FPGS: variants seen among roughly 807,000 people sequenced by gnomAD.
The protein encoded by FPGS is folylpolyglutamate synthase, mitochondrial.
A neutral mutation model predicts 66.5 loss-of-function variants in FPGS; 53 were observed. The ratio of observed to expected loss-of-function variants is 0.80; its 90% CI spans 0.64 to 1.00. The LOEUF is 1.00. Ranked by LOEUF, FPGS falls within the 50% of genes least tolerant of loss-of-function variation. The pLI, the probability that FPGS is intolerant of heterozygous loss-of-function variation, is 0.00. For synonymous variants in FPGS, 348 were observed against 350.9 expected, an observed-to-expected ratio of 0.99 and a Z score of 0.09; for missense variants, 702 against 807.7, an observed-to-expected ratio of 0.87 and a Z score of 1.59.
Position 127,813,703 on chromosome 9 carries a change from C to T in FPGS, c.*99C>T. The T allele has an allele frequency of 1.4e-6, 2 of 1,409,456 alleles. No homozygotes were observed. The highest frequency in any genetic ancestry group is 1.8e-6 in the Non-Finnish European group (2 of 1,083,772). The allele number at this position is 1,409,456 out of a possible 1,614,324, so 87.3% of individuals were successfully genotyped here. The stretch of plus-strand genomic sequence containing the variant: ...CCTTTTGTTTTTGGCTTTCCTGGTT[C>T]TGTCTAGACTGGCCTAGGGGCCAGG... On this transcript the variant is annotated 3_prime_UTR_variant, in exon 15 of 15. Transcript: ENST00000373247.
rs1325946824 is a variant in FPGS, at chr9:127,813,357, C to A, written c.1517C>A (p.Pro506Gln). The change falls in exon 15 of 15, where the codon CCA (proline) becomes CAA (glutamine). Residue 506 changes from proline to glutamine, a missense_variant. Physicochemically the swap from Pro to Gln is moderately conservative, Grantham distance 76 (BLOSUM62 -1). Coordinates refer to ENST00000373247, the MANE Select transcript of FPGS (RefSeq NM_004957.6). The stretch of plus-strand genomic sequence containing the variant: ...GCATCCCTGCTTCTGGCGCCCCACC[C>A]ACCCCACACCTGCAGTGCCAGCTCC... Reference protein sequence around the residue: ...GSASLLLAPHPPHTCSASSLV... With the variant: ...GSASLLLAPHQPHTCSASSLV... 2 of 1,612,640 alleles carry A rather than the reference C, an allele frequency of 1.2e-6. No homozygotes were observed. Among genetic ancestry groups the A allele is most frequent in the Middle Eastern group, 1.7e-4 (1 of 6,054 alleles).
rs1187976758 is a variant in FPGS, at chr9:127,804,497, A to T, written c.268-2A>T. 15 of 1,613,992 alleles carry T rather than the reference A, an allele frequency of 9.3e-6. No homozygotes were observed. Among genetic ancestry groups the T allele is most frequent in the Non-Finnish European group, 1.3e-5 (15 of 1,179,980 alleles). On this transcript the variant is annotated splice_acceptor_variant, in intron 2 of 14. Transcript: ENST00000373247. LOFTEE classifies it high-confidence loss of function. ...GGCAGGGACCTTGTCTGTCTGTCCC[A>T]GGTGGAGGACTTGGACCGGCTGAAC...
At position 127,808,830 on chromosome 9, in the gene FPGS, G is replaced by T; in HGVS notation, c.1001G>T (p.Gly334Val). ...GGGGAGCCAAAGGCATCCAGGCCAGGGCTCCTGTGGCAGCTGCCCCTGGCA... is the reference window on the plus strand; with the variant it reads ...GGGGAGCCAAAGGCATCCAGGCCAGTGCTCCTGTGGCAGCTGCCCCTGGCA... The part of the protein sequence containing the change: ...GAGEPKASRP[G>V]LLWQLPLAPV... The change falls in exon 11 of 15, where the codon GGG (glycine) becomes GTG (valine). Residue 334 changes from glycine (G) to valine (V), a missense_variant. Transcript: ENST00000373247. The T allele has an allele frequency of 6.4e-7, 1 of 1,563,302 alleles. No individual in the cohort carries two copies. The highest frequency in any genetic ancestry group is 8.7e-7 in the Non-Finnish European group (1 of 1,154,108).
rs2131841498 is a variant in FPGS at position 127,803,483 on chromosome 9, G to A, written c.138+421G>A. On this transcript the variant is annotated intron_variant, in intron 1 of 14. Coordinates refer to ENST00000373247, the MANE Select transcript of FPGS (RefSeq NM_004957.6). Reference sequence around the variant, plus strand: ...GGGGTGGGCTGTCCAGGATTCAGAAGATTGGGGATCCAAGTGCCTGGATTT... The same window carrying A: ...GGGGTGGGCTGTCCAGGATTCAGAAAATTGGGGATCCAAGTGCCTGGATTT... 4.4e-6 allele frequency: 4 copies of A among 905,298 alleles called. No homozygotes were observed. The South Asian group carries it at 2.0e-4, about 46-fold the overall frequency. The allele number at this position is 905,298 out of a possible 1,614,324, so 56.1% of individuals were successfully genotyped here.
chr9:127,809,987 G>T, intron 12 of FPGS, 44 bp from the exon 13 acceptor site: 1 of 1,569,734 alleles, frequency 6.4e-7, no homozygotes, highest in Non-Finnish European at 8.7e-7. Flanking sequence ...ACCGCAGGGA[G>T]AACGGGCGGC....
At chr9:127,809,643 T>C in intron 11 of FPGS, 41 bp from the exon 12 acceptor site, 1 of 1,543,376 alleles carries the variant, frequency 6.5e-7, no homozygotes, top group Non-Finnish European at 8.7e-7. Context: ...AGGACGGGGG[T>C]GGGAGAGGGC....
In FPGS at chr9:127,813,792, C is replaced by T; in HGVS notation, c.*188C>T. On this transcript the variant is annotated 3_prime_UTR_variant, in exon 15 of 15. Coordinates refer to ENST00000373247, the MANE Select transcript of FPGS (RefSeq NM_004957.6). The stretch of plus-strand genomic sequence containing the variant: ...AGGCTCTGTGCCTTGGTCTCTCCTT[C>T]CTCTTGGCTGAGATAGCAGAGGGGC... 1.6e-6 allele frequency: 2 copies of T among 1,285,452 alleles called. No homozygotes were observed. Among genetic ancestry groups the T allele is most frequent in the Non-Finnish European group, 2.0e-6 (2 of 1,021,920 alleles). 79.6% of individuals were successfully genotyped at this position (1,285,452 alleles called of 1,614,324 possible).
intron 11 of FPGS, 52 bp downstream of exon 11, chr9:127,808,941 T>C: frequency 1.7e-6 from 2 of 1,210,700 alleles, no homozygotes; most frequent in Admixed American, 2.8e-5. Context: ...TCTGTGCCCC[T>C]TCAGATTTTT....
Position 127,808,610 on chromosome 9 carries a change from C to T in FPGS, c.875C>T (p.Pro292Leu), listed in dbSNP as rs1449967289. The T allele has an allele frequency of 1.2e-6, 2 of 1,612,216 alleles. No individual in the cohort carries two copies. The highest frequency in any genetic ancestry group is 1.7e-6 in the Non-Finnish European group (2 of 1,179,732). Residue 292 changes from proline (P) to leucine (L), a missense_variant, in exon 10 of 15, where the codon CCG becomes CTG. Transcript: ENST00000373247. Reference sequence around the variant, plus strand: ...GAGGCCCTCGAGGAAGGGGGGCCGCCGCTGACCCTGGGCCTGGAGGGGGAG... The same window carrying T: ...GAGGCCCTCGAGGAAGGGGGGCCGCTGCTGACCCTGGGCCTGGAGGGGGAG... ...MLEALEEGGP[P>L]LTLGLEGEHQ...
chr9:127,810,969 T>G lies in FPGS; in HGVS notation c.1312T>G (p.Phe438Val). 3.2e-6 allele frequency: 5 copies of G among 1,585,392 alleles called. No individual in the cohort carries two copies. Among genetic ancestry groups the G allele is most frequent in the Non-Finnish European group, 4.3e-6 (5 of 1,163,620 alleles). Reference sequence around the variant, plus strand: ...GCCCTGCCAGTTTGACTATGCCGTCTTCTGCCCTAACCTGACAGAGGTGTC... The same window carrying G: ...GCCCTGCCAGTTTGACTATGCCGTCGTCTGCCCTAACCTGACAGAGGTGTC... ...LQPCQFDYAVFCPNLTEVSST... is the reference protein window; with the variant it reads ...LQPCQFDYAVVCPNLTEVSST... The change falls in exon 14 of 15, where the codon TTC becomes GTC. Residue 438 changes from phenylalanine (F) to valine (V), a missense_variant. Physicochemically the swap from Phe to Val is conservative, Grantham distance 50. This residue lies in a region of FPGS where 351 missense variants were observed against 363.7 expected (regional missense o/e 0.97). Transcript: ENST00000373247.
Position 127,804,339 on chromosome 9 carries a change from G to A in FPGS, c.193G>A (p.Val65Met), listed in dbSNP as rs1239413659. The change falls in exon 2 of 15, where the codon GTG (valine) becomes ATG (methionine). Residue 65 changes from valine (V) to methionine (M), a missense_variant. Coordinates refer to ENST00000373247, the MANE Select transcript of FPGS (RefSeq NM_004957.6). ...GACCAATGCCGGCTACCTGGAGCAG[G>A]TGAAGCGCCAGCGGGGTGACCCTCA... ...LQTNAGYLEQ[V>M]KRQRGDPQTQ... The A allele has an allele frequency of 6.2e-7, 1 of 1,614,104 alleles. No homozygotes were observed. The highest frequency in any genetic ancestry group is 8.5e-7 in the Non-Finnish European group (1 of 1,180,040).
intron 1 of FPGS, 37 bp downstream of exon 1, chr9:127,803,099 C>T: frequency 1.5e-6 from 2 of 1,354,424 alleles, no homozygotes; most frequent in Admixed American, 3.9e-5. Flanking sequence ...GGCCTGGGCG[C>T]GACGACACGT....
chr9:127,812,260 T>C (rs541540668), intron 14 of FPGS, among the ~76,000 whole-genome samples: 1 of 151,614 alleles, frequency 6.6e-6, no homozygotes, highest in South Asian at 2.1e-4. Flanking sequence ...CTGGACCCTC[T>C]CTAAAAATAA....
intron 9 of FPGS, 96 bp downstream of exon 9, chr9:127,808,407 G>T (rs760063021): frequency 8.1e-6 from 12 of 1,485,380 alleles, no homozygotes; most frequent in Non-Finnish European, 1.0e-5. Flanking sequence ...TTGCCCATCT[G>T]TGCAGTGAGG....
Position 127,810,177 on chromosome 9 carries a change from G to T in FPGS, c.1287+71G>T, listed in dbSNP as rs1279045317. 1.1e-5 allele frequency: 14 copies of T among 1,292,616 alleles called. No homozygotes were observed. The African/African-American group carries it at 1.9e-4, about 17-fold the overall frequency. 80.1% of individuals were successfully genotyped at this position (1,292,616 alleles called of 1,614,324 possible). ...TGGGTCTGGCGGTGTGACCCTGGGGGGTGCCAATCCCCTCCCCCTTGAGTT... is the reference window on the plus strand; with the variant it reads ...TGGGTCTGGCGGTGTGACCCTGGGGTGTGCCAATCCCCTCCCCCTTGAGTT... On this transcript the variant is annotated intron_variant, in intron 13 of 14. Transcript: ENST00000373247.
rs1830196814 is a variant in FPGS at position 127,813,827 on chromosome 9, C to T, written c.*223C>T. ...GAGATAGCAGAGGGGCTCCCCGGGT[C>T]TCTCACTGTTGCAGTGGCCTGGCCG... On this transcript the variant is annotated 3_prime_UTR_variant, in exon 15 of 15. Coordinates refer to ENST00000373247, the MANE Select transcript of FPGS (RefSeq NM_004957.6). 3 of 1,262,352 alleles carry T rather than the reference C, an allele frequency of 2.4e-6. No individual in the cohort carries two copies. The African/African-American group carries it at 4.6e-5, about 19-fold the overall frequency. 78.2% of individuals were successfully genotyped at this position (1,262,352 alleles called of 1,614,324 possible).
At chr9:127,805,286 A>G (rs1421987572) in intron 4 of FPGS, among the ~76,000 whole-genome samples, 4 of 151,984 alleles carry the variant, frequency 2.6e-5, no homozygotes, top group African/African-American at 9.7e-5. Context: ...GCTCATGCCT[A>G]TAATCCCAGC....
rs1830003503 is a variant in FPGS at position 127,810,034 on chromosome 9, C to T, written c.1215C>T (p.Gly405=). ...CAGCTCCTCACCTCTGTCGCAGTGG[C>T]CCCGAGGTTCGAGTCTTGCTCTTCA... is the stretch of plus-strand genomic sequence containing the variant. ...ALQGRERPSG[G]PEVRVLLFNA... The change falls in exon 13 of 15, where the codon GGC becomes GGT. Residue 405 remains glycine (G), a synonymous_variant. Transcript: ENST00000373247. 1 of 1,611,514 alleles carries T rather than the reference C, an allele frequency of 6.2e-7. No homozygotes were observed. The highest frequency in any genetic ancestry group is 8.5e-7 in the Non-Finnish European group (1 of 1,179,228).
In FPGS at chr9:127,804,291, G is replaced by C. The variant is rs780523393; in HGVS notation, c.145G>C (p.Val49Leu). 1 of 1,614,024 alleles carries C rather than the reference G, an allele frequency of 6.2e-7. No homozygotes were observed. The change falls in exon 2 of 15, where the codon GTG becomes CTG. Residue 49 changes from valine to leucine, a missense_variant. By Grantham distance (32) the Val-to-Leu change is conservative. Coordinates refer to ENST00000373247, the MANE Select transcript of FPGS (RefSeq NM_004957.6). Reference protein sequence around the residue: ...QEPSMEYQDAVRMLNTLQTNA... With the variant: ...QEPSMEYQDALRMLNTLQTNA... ...TGGGCACTGTGGTTGCCAGGATGCC[G>C]TGCGCATGCTCAATACCCTGCAGAC...
Sources: gnomAD v4.1 joint callset for allele counts (sites outside exome capture counted in the v4.1 genomes callset) on GRCh38, gnomAD v4.1.1 for gene constraint, gnomAD v4.1.1 regional missense constraint, MANE v1.5 for transcripts, NCBI Gene and HGNC (gene_info 2026-07-23, HGNC 2026-07-21) for gene names.